CLOCK: variants seen among roughly 807,000 people sequenced by gnomAD.
CLOCK encodes circadian locomoter output cycles protein kaput.
A neutral mutation model predicts 118.4 loss-of-function variants in CLOCK; 43 were observed. The ratio of observed to expected loss-of-function variants is 0.36; its 90% confidence interval spans 0.28 to 0.47. CLOCK has a LOEUF of 0.47. Ranked by LOEUF, CLOCK falls within the 20% of genes least tolerant of loss-of-function variation. The pLI is 1.00. For missense variants in CLOCK, 846 were observed against 999.9 expected, an observed-to-expected ratio of 0.85 and a Z score of 2.08; for synonymous variants, 326 against 339.2, an observed-to-expected ratio of 0.96 and a Z score of 0.43.
chr4:55,499,419 A>C (rs1032935139), intron 2 of CLOCK, among the ~76,000 whole-genome samples: 1 of 152,144 alleles, frequency 6.6e-6, no homozygotes, highest in African/African-American at 2.4e-5. Context: ...AGATCATCAC[A>C]CTTGTTAGGG....
At chr4:55,438,006 T>C (rs1486926900) in intron 22 of CLOCK, among the ~76,000 whole-genome samples, 1 of 152,120 alleles carries the variant, frequency 6.6e-6, no homozygotes, top group Non-Finnish European at 1.5e-5. Flanking sequence ...AGCCAGAGAC[T>C]AAGAAAACAG....
chr4:55,448,601 C>CGCGCGCACGCGCGCGCGCGTGT (rs764071880), intron 18 of CLOCK, among the ~76,000 whole-genome samples, 178 bp downstream of exon 18: 3 of 116,980 alleles, frequency 2.6e-5, no homozygotes, highest in Non-Finnish European at 3.6e-5. Flanking sequence ...CGCACGCGCG[C>CGCGCGCACGCGCGCGCGCGTGT]GTGTGTGTGT....
intron 13 of CLOCK, 148 bp from the exon 14 acceptor site, chr4:55,453,972 A>G: frequency 1.5e-6 from 1 of 651,004 alleles, no homozygotes; most frequent in Non-Finnish European, 2.6e-6. Context: ...TGAAAATGTT[A>G]TTCTTTAGAG....
At chr4:55,442,303 T>G in intron 21 of CLOCK, 129 bp downstream of exon 21, 2 of 800,348 alleles carry the variant, frequency 2.5e-6, no homozygotes, top group South Asian at 3.2e-5. Context: ...TATTTCAAAT[T>G]TAAGAACATT....
At chr4:55,491,943 T>A (rs1209766164) in intron 2 of CLOCK, among the ~76,000 whole-genome samples, 1 of 152,162 alleles carries the variant, frequency 6.6e-6, no homozygotes, top group Non-Finnish European at 1.5e-5. Flanking sequence ...CAGGACCATA[T>A]ACATGACTTC....
intron 1 of CLOCK, among the ~76,000 whole-genome samples, chr4:55,525,412 T>C (rs1169607996): frequency 6.6e-6 from 1 of 152,198 alleles, no homozygotes; most frequent in African/African-American, 2.4e-5. Context: ...GAATTGGTAA[T>C]TATGATAAGC....
chr4:55,537,973 C>T (rs1170977157), intron 1 of CLOCK, among the ~76,000 whole-genome samples: 1 of 151,974 alleles, frequency 6.6e-6, no homozygotes, highest in Non-Finnish European at 1.5e-5. Flanking sequence ...AATAAGAAAA[C>T]CACAGGCAGT....
At chr4:55,530,656 T>C (rs1730477422) in intron 1 of CLOCK, among the ~76,000 whole-genome samples, 2 of 150,206 alleles carry the variant, frequency 1.3e-5, no homozygotes, top group Non-Finnish European at 2.9e-5. Context: ...ACGCCTGTAA[T>C]CCCATCTACT....
chr4:55,514,340 T>G (rs1441729589), intron 1 of CLOCK, among the ~76,000 whole-genome samples: 1 of 152,144 alleles, frequency 6.6e-6, no homozygotes, highest in Non-Finnish European at 1.5e-5. Flanking sequence ...TTTAGGCTGT[T>G]ATGTCCCCTT....
intron 1 of CLOCK, chr4:55,540,919 T>A (rs757585942): frequency 1.3e-5 from 2 of 152,336 alleles, no homozygotes; most frequent in African/African-American, 4.8e-5. Flanking sequence ...ATCGTCGTCA[T>A]TATTAATGTA....
At chr4:55,533,137 T>A (rs1730664933) in intron 1 of CLOCK, among the ~76,000 whole-genome samples, 1 of 152,028 alleles carries the variant, frequency 6.6e-6, no homozygotes, top group Admixed American at 6.5e-5. Context: ...CTAAAATTCA[T>A]ACAGAATCTC....
intron 1 of CLOCK, among the ~76,000 whole-genome samples, chr4:55,530,698 C>G (rs1202832162): frequency 7.5e-6 from 1 of 133,274 alleles, no homozygotes. Context: ...TCAGCTGAAC[C>G]CAGGAGGTGG....
In CLOCK at chr4:55,442,603, T is replaced by C; in HGVS notation, c.1934A>G (p.Gln645Arg). The change falls in exon 21 of 23, where the codon CAG (glutamine) becomes CGG (arginine). Residue 645 changes from glutamine to arginine, a missense_variant. Around this residue, in one of 4 missense-constraint regions of CLOCK, gnomAD observed 520 missense variants for 558.0 expected, o/e 0.93. Transcript: ENST00000513440. ...SQQNVLSGHSQQTSLPSQTQS... is the reference protein window; with the variant it reads ...SQQNVLSGHSRQTSLPSQTQS... The stretch of plus-strand genomic sequence containing the variant: ...TGTCTGACTGGGTAGAGATGTTTGC[T>C]GACTGTGCCCACTCAGTACATTTTG... 6.2e-7 allele frequency: 1 copy of C among 1,613,082 alleles called. No homozygotes were observed. Among genetic ancestry groups the C allele is most frequent in the Non-Finnish European group, 8.5e-7 (1 of 1,179,860 alleles).
chr4:55,508,535 C>T (rs181617307), intron 2 of CLOCK, among the ~76,000 whole-genome samples: 257 of 152,180 alleles, frequency 1.7e-3, no homozygotes, highest in African/African-American at 6.0e-3. Flanking sequence ...ATAAATACTC[C>T]TTCAGCCATG....
chr4:55,535,106 T>G (rs1234940439), intron 1 of CLOCK, among the ~76,000 whole-genome samples: 1 of 151,996 alleles, frequency 6.6e-6, no homozygotes, highest in Non-Finnish European at 1.5e-5. Context: ...TTTTTTTCTA[T>G]TTTTTTGGAG....
In CLOCK at chr4:55,431,092, G is replaced by T. The variant is rs771308065; in HGVS notation, c.*4323C>A. 1 of 152,202 alleles carries T rather than the reference G, an allele frequency of 6.6e-6. No individual in the cohort carries two copies. The highest frequency in any genetic ancestry group is 2.4e-5 in the African/African-American group (1 of 41,436). 9.4% of individuals were successfully genotyped at this position (152,202 alleles called of 1,614,324 possible). The stretch of plus-strand genomic sequence containing the variant: ...CTAAGAATAAACTTTATCAAAATGA[G>T]TAATTGCAATAAAGTGCTTGTTACA... On this transcript the variant is annotated 3_prime_UTR_variant, in exon 23 of 23. Coordinates refer to ENST00000513440, the MANE Select transcript of CLOCK (RefSeq NM_004898.4).
rs1486706111 is a variant in CLOCK at position 55,433,970 on chromosome 4, A to C, written c.*1445T>G. 1 of 152,446 alleles carries C rather than the reference A, an allele frequency of 6.6e-6. No individual in the cohort carries two copies. Among genetic ancestry groups the C allele is most frequent in the Non-Finnish European group, 1.5e-5 (1 of 68,040 alleles). 9.4% of individuals were successfully genotyped at this position (152,446 alleles called of 1,614,324 possible). On this transcript the variant is annotated 3_prime_UTR_variant, in exon 23 of 23. Transcript: ENST00000513440. The stretch of plus-strand genomic sequence containing the variant: ...GACTAAAGAAAAATGCTGATTTAGG[A>C]AACAATTTTAGGATCACATTAATAA...
intron 1 of CLOCK, among the ~76,000 whole-genome samples, chr4:55,521,643 C>G (rs1019005960): frequency 2.6e-5 from 4 of 152,238 alleles, no homozygotes; most frequent in Non-Finnish European, 5.9e-5. Flanking sequence ...TATTGGCCTT[C>G]ACAAATATGC....
At chr4:55,468,206 C>T (rs985992493) in intron 8 of CLOCK, among the ~76,000 whole-genome samples, 1 of 152,054 alleles carries the variant, frequency 6.6e-6, no homozygotes, top group Non-Finnish European at 1.5e-5. Context: ...GCAATCCTCC[C>T]ACCACAGCCT....
Sources: gnomAD v4.1 joint callset for allele counts (sites outside exome capture counted in the v4.1 genomes callset) on GRCh38, gnomAD v4.1.1 for gene constraint, gnomAD v4.1.1 regional missense constraint, MANE v1.5 for transcripts, NCBI Gene and HGNC (gene_info 2026-07-23, HGNC 2026-07-21) for gene names.